Variants in GSE1 observed in about 807,000 individuals in gnomAD.
The protein encoded by GSE1 is genetic suppressor element 1.
Under a neutral mutation model 112.6 loss-of-function variants are expected in GSE1, and 32 were observed. That is an observed-to-expected ratio of 0.28 (90% CI 0.21 to 0.38). The LOEUF (loss-of-function observed/expected upper bound fraction) is 0.38. Among genes scored for constraint, GSE1 ranks in the 10% least tolerant of loss-of-function variants. The pLI, the probability that GSE1 is intolerant of heterozygous loss-of-function variation, is 1.00. For missense variants in GSE1, 2,348 were observed against 1,699.2 expected, an observed-to-expected ratio of 1.38 and a Z score of -6.71; for synonymous variants, 1,115 against 735.6, an observed-to-expected ratio of 1.52 and a Z score of -8.35.
At chr16:85,437,480 C>G (rs1272132430) in intron 2 of GSE1, among the ~76,000 whole-genome samples, 1 of 152,032 alleles carries the variant, frequency 6.6e-6, no homozygotes, top group East Asian at 1.9e-4. Flanking sequence ...ATAATGACAT[C>G]TAGGGAGGCG....
intron 3 of GSE1, among the ~76,000 whole-genome samples, chr16:85,649,390 G>C (rs1184172198): frequency 1.3e-5 from 2 of 152,200 alleles, no homozygotes; most frequent in Non-Finnish European, 2.9e-5. Flanking sequence ...AAAGAATTGA[G>C]GTAGGAAAGA....
intron 2 of GSE1, among the ~76,000 whole-genome samples, chr16:85,504,091 T>TTTAC (rs1175720928): frequency 6.6e-6 from 1 of 152,170 alleles, no homozygotes; most frequent in Non-Finnish European, 1.5e-5. Context: ...CAGGCCTGTG[T>TTTAC]TTACTGCTGA....
intron 1 of GSE1, among the ~76,000 whole-genome samples, chr16:85,217,576 G>A (rs921969436): frequency 2.0e-5 from 3 of 152,200 alleles, no homozygotes; most frequent in African/African-American, 7.2e-5. Context: ...AGTGATGCTG[G>A]GTGAAATGGG....
At chr16:85,431,034 A>G (rs1251760035) in intron 2 of GSE1, among the ~76,000 whole-genome samples, 1 of 151,920 alleles carries the variant, frequency 6.6e-6, no homozygotes, top group Non-Finnish European at 1.5e-5. Context: ...AAGCTCCCCA[A>G]GTGATTTTTG....
chr16:85,294,174 G>C (rs965159824), intron 1 of GSE1, among the ~76,000 whole-genome samples: 1 of 152,164 alleles, frequency 6.6e-6, no homozygotes, highest in African/African-American at 2.4e-5. Context: ...GATCCCCGGG[G>C]TCCCTTCTGC....
chr16:85,612,254 G>C (rs2048038965), upstream of GSE1, among the ~76,000 whole-genome samples: 1 of 151,892 alleles, frequency 6.6e-6, no homozygotes, highest in South Asian at 2.1e-4. Flanking sequence ...GGCGGGGCGG[G>C]GCGGGGCGGG....
At chr16:85,276,585 G>A (rs1014331417) in intron 1 of GSE1, among the ~76,000 whole-genome samples, 4 of 152,228 alleles carry the variant, frequency 2.6e-5, no homozygotes, top group East Asian at 1.9e-4. Context: ...GAAAGGGCCC[G>A]GGTTCGGGGT....
intron 1 of GSE1, among the ~76,000 whole-genome samples, chr16:85,206,966 G>A (rs918102259): frequency 7.9e-5 from 12 of 152,190 alleles, no homozygotes; most frequent in Non-Finnish European, 2.9e-5. Context: ...ACAGCCTCCG[G>A]CGGCAGTTCT....
chr16:85,486,283 T>C lies in GSE1; in HGVS notation c.2464+128640T>C, dbSNP rs1247657874. 2.1e-5 allele frequency among the ~76,000 whole-genome samples: 3 copies of C among 140,832 alleles called. No individual in the cohort carries two copies. In the Admixed American group the frequency reaches 2.1e-4, roughly 10 times the overall value. 92.4% of individuals were successfully genotyped at this position (140,832 alleles called of 152,430 possible). ...CTCCCTTATACTCACAGGTGGACGC[T>C]GTCACCTGCTCTCACACACACGTAC... On this transcript the variant is annotated intron_variant, in intron 2 of 2. Coordinates refer to the GSE1 transcript ENST00000637419.
chr16:85,666,147 G>C lies in GSE1; in HGVS notation c.2930G>C (p.Ser977Thr). ...GCCAGCGGGGAGAAGGCCAGGCTGA[G>C]CGAGGCCCCTGGAGGCAAAAAGAGT... ...APASGEKARLSEAPGGKKSLS... is the reference protein window; with the variant it reads ...APASGEKARLTEAPGGKKSLS... Residue 977 changes from serine to threonine, a missense_variant, in exon 13 of 16, where the codon AGC (serine) becomes ACC (threonine). By Grantham distance (58) the Ser-to-Thr change is moderately conservative. Transcript: ENST00000253458. The C allele has an allele frequency of 6.2e-7, 1 of 1,613,398 alleles. No individual in the cohort carries two copies. The highest frequency in any genetic ancestry group is 8.5e-7 in the Non-Finnish European group (1 of 1,180,006).
At chr16:85,494,985 C>T (rs1055619690) in intron 2 of GSE1, among the ~76,000 whole-genome samples, 4 of 146,164 alleles carry the variant, frequency 2.7e-5, no homozygotes, top group African/African-American at 9.7e-5. Context: ...AGGTCAACCA[C>T]TGGGCACAGG....
In GSE1 at chr16:85,408,132, T is replaced by C. The variant is rs552543384; in HGVS notation, c.2464+50489T>C. Among the ~76,000 whole-genome samples the C allele has an allele frequency of 3.5e-4, 11 of 31,638 alleles. 1 individual carries two copies. Among genetic ancestry groups the C allele is most frequent in the Admixed American group, 5.2e-4 (2 of 3,826 alleles). The allele number at this position is 31,638 out of a possible 152,430, so 20.8% of individuals were successfully genotyped here. On this transcript the variant is annotated intron_variant, in intron 2 of 2. Transcript: ENST00000637419. ...TCCTCACTGTTACTCTCAGGCCCCC[T>C]GGATAATCCTCACTGTTACACTCAG...
At chr16:85,246,296 C>CA (rs1905710140) in intron 1 of GSE1, among the ~76,000 whole-genome samples, 1 of 129,776 alleles carries the variant, frequency 7.7e-6, no homozygotes, top group Non-Finnish European at 1.6e-5. Flanking sequence ...TCTACACACA[C>CA]CCCACACGCT....
intron 2 of GSE1, among the ~76,000 whole-genome samples, chr16:85,385,160 A>G (rs2151630759): frequency 6.6e-6 from 1 of 152,338 alleles, no homozygotes; most frequent in East Asian, 1.9e-4. Context: ...GGGGCTTGGG[A>G]TGGGTGCCTG....
chr16:85,353,377 G>T (rs1311806834), intron 1 of GSE1, among the ~76,000 whole-genome samples: 2 of 152,234 alleles, frequency 1.3e-5, no homozygotes, highest in African/African-American at 4.8e-5. Flanking sequence ...TAGGAGTGGA[G>T]TTGCTGGGTT....
intron 2 of GSE1, among the ~76,000 whole-genome samples, chr16:85,642,015 C>T (rs1324323418): frequency 1.3e-5 from 2 of 152,280 alleles, no homozygotes; most frequent in African/African-American, 4.8e-5. Flanking sequence ...TGTGGACCTG[C>T]CCCGCCCTCC....
At chr16:85,399,464 C>T (rs2048043586) in intron 2 of GSE1, among the ~76,000 whole-genome samples, 1 of 152,208 alleles carries the variant, frequency 6.6e-6, no homozygotes, top group South Asian at 2.1e-4. Flanking sequence ...GCCCCACCAG[C>T]TTCAGGAAGA....
rs1464269698 is a variant in GSE1 at position 85,613,409 on chromosome 16, C to T, written c.7+11C>T. ...GCCCTGGCATGAAAGGTGAGCGCGC[C>T]GCACCCGGCCGGGGACGGGGTCCTC... is the stretch of plus-strand genomic sequence containing the variant. On this transcript the variant is annotated intron_variant, in intron 1 of 15. Transcript: ENST00000253458. 1.3e-6 allele frequency: 2 copies of T among 1,555,110 alleles called. No individual in the cohort carries two copies. The highest frequency in any genetic ancestry group is 2.4e-5 in the East Asian group (1 of 40,854).
intron 1 of GSE1, among the ~76,000 whole-genome samples, chr16:85,185,590 T>C (rs1020692113): frequency 6.6e-6 from 1 of 152,258 alleles, no homozygotes; most frequent in East Asian, 1.9e-4. Context: ...TCTCCCTGTT[T>C]GGTGAGATGG....
Sources: allele counts gnomAD v4.1 joint callset (sites outside exome capture counted in the v4.1 genomes callset), GRCh38; gene constraint gnomAD v4.1.1; transcripts MANE v1.5; gene names NCBI Gene and HGNC (gene_info 2026-07-23, HGNC 2026-07-21).